Variants in CAMK1G observed in about 807,000 individuals in gnomAD.
The protein encoded by CAMK1G is calcium/calmodulin dependent protein kinase IG.
Under a neutral mutation model 54.8 loss-of-function variants are expected in CAMK1G, and 27 were observed. That is an observed-to-expected ratio of 0.49 (90% confidence interval 0.36 to 0.68). CAMK1G has a LOEUF of 0.68. CAMK1G is among the 30% of genes least tolerant of loss of function. The probability of loss-of-function intolerance (pLI) is 0.00; values close to 1 mark genes in which losing one functional copy is unlikely to be tolerated. For missense variants in CAMK1G, 512 were observed against 591.0 expected (o/e 0.87, Z 1.39); for synonymous variants, 238 against 224.9 (o/e 1.06, Z -0.52).
intron 3 of CAMK1G, 96 bp from the exon 4 acceptor site, chr1:209,603,118 C>T (rs970338212): frequency 1.2e-5 from 14 of 1,140,850 alleles, no homozygotes; most frequent in Admixed American, 2.0e-5. Flanking sequence ...ACATTGCCAT[C>T]AAAAGCCTCC....
In CAMK1G at chr1:209,612,166, G is replaced by C. The variant is rs770241569; in HGVS notation, c.1290G>C (p.Lys430Asn). The C allele has an allele frequency of 3.7e-6, 6 of 1,614,172 alleles. No homozygotes were observed. The South Asian group carries it at 5.5e-5, about 15-fold the overall frequency. ...GCCTGAACATTGGGAGCAAAGGAAA[G>C]TCCTCCTACTGCTCTGAGCCCACAC... ...SSCLNIGSKG[K>N]SSYCSEPTLL... Residue 430 changes from lysine to asparagine, a missense_variant, in exon 11 of 13, where the codon AAG becomes AAC. Lys to Asn is a moderately conservative substitution (Grantham distance 94). Transcript: ENST00000361322.
At position 209,596,743 on chromosome 1, in the gene CAMK1G, G is replaced by A. The variant is rs2235450; in HGVS notation, c.92+1668G>A. On this transcript the variant is annotated intron_variant, in intron 2 of 12. Transcript: ENST00000361322. ...CTATTTGTAAATAAGTTGCAAACATGATGACATGTCACCTCTGAATCTTCT... is the reference window on the plus strand; with the variant it reads ...CTATTTGTAAATAAGTTGCAAACATAATGACATGTCACCTCTGAATCTTCT... Among the ~76,000 whole-genome samples, 801 of 151,256 alleles carry A rather than the reference G, an allele frequency of 5.3e-3. 52 individuals carry two copies. The East Asian group carries it at 0.13, about 25-fold the overall frequency.
chr1:209,601,942 C>G (rs968941547), intron 3 of CAMK1G, among the ~76,000 whole-genome samples: 1 of 152,130 alleles, frequency 6.6e-6, no homozygotes, highest in Non-Finnish European at 1.5e-5. Context: ...AGATCTGAAC[C>G]CAGGCCTGAC....
In CAMK1G at chr1:209,597,486, A is replaced by G. The variant is rs760023579; in HGVS notation, c.92+2411A>G. 5.6e-4 allele frequency among the ~76,000 whole-genome samples: 85 copies of G among 152,328 alleles called. 2 individuals are homozygous for G. The highest frequency in any genetic ancestry group is 1.3e-4 in the Non-Finnish European group (9 of 68,014). ...ATTGAATGCCTGATAGCATTTTTCA[A>G]ATCAAATGCTAATTGCTTACTTGTC... is the stretch of plus-strand genomic sequence containing the variant. On this transcript the variant is annotated intron_variant, in intron 2 of 12. Transcript: ENST00000361322.
At chr1:209,610,004 AT>A in intron 9 of CAMK1G, 75 bp downstream of exon 9, 1 of 1,178,208 alleles carries the variant, frequency 8.5e-7, no homozygotes, top group Non-Finnish European at 1.3e-6. Context: ...TTCATATTGC[AT>A]TTCCCTGGAA....
intron 1 of CAMK1G, among the ~76,000 whole-genome samples, chr1:209,587,532 G>T (rs1317308010): frequency 1.3e-5 from 2 of 152,078 alleles, no homozygotes; most frequent in African/African-American, 2.4e-5. Flanking sequence ...CAAGAAGGGG[G>T]CCAGAGGAGG....
rs1665507966 is a variant in CAMK1G at position 209,600,766 on chromosome 1, T to C, written c.221+655T>C. 3.9e-5 allele frequency among the ~76,000 whole-genome samples: 6 copies of C among 152,244 alleles called. No individual in the cohort carries two copies. In the South Asian group the frequency reaches 1.0e-3, roughly 26 times the overall value. The stretch of plus-strand genomic sequence containing the variant: ...GATAAAGATTCATTTTGCCTATGCA[T>C]ATGTTTTTATGAGTATGAGTTATTG... On this transcript the variant is annotated intron_variant, in intron 3 of 12. Transcript: ENST00000361322.
intron 2 of CAMK1G, among the ~76,000 whole-genome samples, chr1:209,599,480 A>T (rs1311929229): frequency 1.3e-5 from 2 of 152,206 alleles, no homozygotes; most frequent in African/African-American, 4.8e-5. Context: ...TAGAAAGATG[A>T]TTCTTTCCTA....
intron 1 of CAMK1G, among the ~76,000 whole-genome samples, chr1:209,593,177 G>A (rs1318718653): frequency 2.0e-5 from 3 of 152,166 alleles, no homozygotes; most frequent in Non-Finnish European, 4.4e-5. Context: ...ACTAGCAAAG[G>A]TAGGATTTGA....
intron 9 of CAMK1G, 91 bp downstream of exon 9, chr1:209,610,020 C>T (rs1665743520): frequency 1.9e-6 from 2 of 1,035,050 alleles, no homozygotes; most frequent in South Asian, 1.3e-5. Context: ...CTGGAATCTG[C>T]TTGTCCTGAT....
chr1:209,611,865 G>T lies in CAMK1G; in HGVS notation c.989G>T (p.Arg330Leu). ...ATGAACCTGCACAGCCCGGGCGTCC[G>T]CCCAGAGGTGGAGAACAGGCCGCCT... ...LHMNLHSPGV[R>L]PEVENRPPET... Residue 330 changes from arginine (R) to leucine (L), a missense_variant, in exon 11 of 13, where the codon CGC (arginine) becomes CTC (leucine). Arg to Leu is a moderately radical substitution (Grantham distance 102, BLOSUM62 -2). Transcript: ENST00000361322. The T allele has an allele frequency of 1.2e-6, 2 of 1,614,228 alleles. No homozygotes were observed. Among genetic ancestry groups the T allele is most frequent in the Non-Finnish European group, 1.7e-6 (2 of 1,180,044 alleles).
intron 2 of CAMK1G, among the ~76,000 whole-genome samples, chr1:209,595,706 C>T (rs976782997): frequency 1.3e-5 from 2 of 152,230 alleles, no homozygotes; most frequent in Admixed American, 6.5e-5. Flanking sequence ...CCAGGGAGCT[C>T]GTGGGTCACA....
chr1:209,588,736 G>A (rs1331552369), intron 1 of CAMK1G, among the ~76,000 whole-genome samples: 1 of 152,200 alleles, frequency 6.6e-6, no homozygotes, highest in African/African-American at 2.4e-5. Flanking sequence ...CGGGCTAGTG[G>A]TGCTCCCTTT....
intron 11 of CAMK1G, 109 bp from the exon 12 acceptor site, chr1:209,612,676 G>T: frequency 1.2e-6 from 1 of 837,752 alleles, no homozygotes; most frequent in African/African-American, 1.7e-5. Flanking sequence ...CCTCATGAGG[G>T]GAGAGCTGAG....
Position 209,606,352 on chromosome 1 carries a change from G to T in CAMK1G, c.468G>T (p.Glu156Asp). 6.2e-7 allele frequency: 1 copy of T among 1,614,044 alleles called. No individual in the cohort carries two copies. Residue 156 changes from glutamate (E) to aspartate (D), a missense_variant, in exon 6 of 13, where the codon GAG becomes GAT. By Grantham distance (45) the Glu-to-Asp change is conservative (BLOSUM62 2). Around this residue, in one of 3 missense-constraint regions of CAMK1G, gnomAD observed 186 missense variants for 231.5 expected, o/e 0.80. Transcript: ENST00000361322. ...ACCTGCTTTACCTTACCCCTGAAGA[G>T]AACTCTAAGATCATGATCACTGACT... ...PENLLYLTPE[E>D]NSKIMITDFG...
intron 1 of CAMK1G, among the ~76,000 whole-genome samples, chr1:209,594,287 G>T (rs1665326216): frequency 6.6e-6 from 1 of 152,182 alleles, no homozygotes; most frequent in Non-Finnish European, 1.5e-5. Flanking sequence ...GCCCCATGAA[G>T]GCAGGGCCAG....
chr1:209,584,752 C>CT (rs1372169199), intron 1 of CAMK1G, among the ~76,000 whole-genome samples: 2 of 152,112 alleles, frequency 1.3e-5, no homozygotes, highest in Non-Finnish European at 2.9e-5. Flanking sequence ...CAGATTCCGC[C>CT]TTAGGTAAGA....
chr1:209,597,797 GC>G (rs1198538206), intron 2 of CAMK1G, among the ~76,000 whole-genome samples: 1 of 152,156 alleles, frequency 6.6e-6, no homozygotes, highest in Non-Finnish European at 1.5e-5. Flanking sequence ...TATCCAGATG[GC>G]AGGGTCAAGG....
At position 209,590,405 on chromosome 1, in the gene CAMK1G, G is replaced by C. The variant is rs74616853; in HGVS notation, c.-29-4550G>C. 3.3e-3 allele frequency among the ~76,000 whole-genome samples: 510 copies of C among 152,292 alleles called. 4 individuals carry two copies. Among genetic ancestry groups the C allele is most frequent in the African/African-American group, 0.011 (470 of 41,564 alleles). On this transcript the variant is annotated intron_variant, in intron 1 of 12. Transcript: ENST00000361322. ...ATGGGGGTTTCAGATCTGGGCCTTT[G>C]AGTTTTCCACATTGCACTGAAGATG... is the stretch of plus-strand genomic sequence containing the variant.
Sources: gnomAD v4.1 joint callset for allele counts (sites outside exome capture counted in the v4.1 genomes callset) on GRCh38, gnomAD v4.1.1 for gene constraint, gnomAD v4.1.1 regional missense constraint, MANE v1.5 for transcripts, NCBI Gene and HGNC (gene_info 2026-07-23, HGNC 2026-07-21) for gene names.